Variants in FANK1 observed in about 807,000 individuals in gnomAD.
The protein encoded by FANK1 is fibronectin type 3 and ankyrin repeat domains protein 1.
A neutral mutation model predicts 45.3 loss-of-function variants in FANK1; 44 were observed. The ratio of observed to expected loss-of-function variants is 0.97; its 90% CI spans 0.76 to 1.25. The LOEUF is 1.25. Among genes scored for constraint, FANK1 ranks in the 50% most tolerant of loss-of-function variants. The pLI is 0.00. For synonymous variants in FANK1, 149 were observed against 152.5 expected, an observed-to-expected ratio of 0.98 and a Z score of 0.17; for missense variants, 391 against 424.4, an observed-to-expected ratio of 0.92 and a Z score of 0.69.
At chr10:125,929,763 C>T (rs1271814094) in intron 1 of FANK1, among the ~76,000 whole-genome samples, 2 of 152,164 alleles carry the variant, frequency 1.3e-5, no homozygotes, top group East Asian at 3.9e-4. Context: ...AATGAAACTA[C>T]ACGCCACAGT....
chr10:125,990,421 G>C (rs1186682651), intron 3 of FANK1, among the ~76,000 whole-genome samples: 1 of 152,190 alleles, frequency 6.6e-6, no homozygotes, highest in East Asian at 1.9e-4. Context: ...CTTGATGGAT[G>C]GATGGGTAAT....
At chr10:125,902,441 C>T (rs973003752) in intron 1 of FANK1, among the ~76,000 whole-genome samples, 1 of 152,108 alleles carries the variant, frequency 6.6e-6, no homozygotes, top group Non-Finnish European at 1.5e-5. Context: ...ACTTTCATTT[C>T]CTTAAGAGTG....
Position 125,980,265 on chromosome 10 carries a change from C to A in FANK1, c.118C>A (p.Pro40Thr). The change falls in exon 2 of 11, where the codon CCT becomes ACT. Residue 40 changes from proline (P) to threonine (T), a missense_variant. Transcript: ENST00000368693. ...GGAAAAGAAAGCCAAACGCCAAGGA[C>A]CTCAAGAGCAGTGGTTCAGGTTCTC... ...DLEKKAKRQGPQEQWFRFSIE... is the reference protein window; with the variant it reads ...DLEKKAKRQGTQEQWFRFSIE... The A allele has an allele frequency of 6.2e-7, 1 of 1,614,148 alleles. No individual in the cohort carries two copies. The highest frequency in any genetic ancestry group is 1.3e-5 in the African/African-American group (1 of 75,022).
chr10:125,929,341 A>G (rs1305727372), intron 1 of FANK1, among the ~76,000 whole-genome samples: 1 of 152,184 alleles, frequency 6.6e-6, no homozygotes, highest in African/African-American at 2.4e-5. Flanking sequence ...CTGAGTGTGG[A>G]GACCTTTTAG....
chr10:125,979,729 G>A, intron 1 of FANK1: 1 of 378,806 alleles, frequency 2.6e-6, no homozygotes, highest in East Asian at 7.9e-5. Context: ...AGTTTCTGAG[G>A]GCTGTTTATA....
intron 1 of FANK1, among the ~76,000 whole-genome samples, chr10:125,954,108 C>G (rs1326907590): frequency 1.3e-5 from 2 of 152,202 alleles, no homozygotes. Flanking sequence ...ACAATCTAAG[C>G]AGAACCTGAT....
At chr10:125,985,686 C>T (rs1303646291) in intron 2 of FANK1, among the ~76,000 whole-genome samples, 1 of 152,182 alleles carries the variant, frequency 6.6e-6, no homozygotes, top group African/African-American at 2.4e-5. Context: ...TGGTTGACAG[C>T]AGAAACAGGC....
Position 125,972,630 on chromosome 10 carries a change from G to A in FANK1, c.14-7531G>A, listed in dbSNP as rs1950588521. 6 of 152,108 alleles carry A rather than the reference G, an allele frequency of 3.9e-5. No individual in the cohort carries two copies. The South Asian group carries it at 1.2e-3, about 32-fold the overall frequency. The allele number at this position is 152,108 out of a possible 1,614,324, so 9.4% of individuals were successfully genotyped here. ...ATCCAGGTCCTATCTGGCAATAATAGCTTTTTGCAAAAAGCAACTCTTGCC... is the reference window on the plus strand; with the variant it reads ...ATCCAGGTCCTATCTGGCAATAATAACTTTTTGCAAAAAGCAACTCTTGCC... On this transcript the variant is annotated intron_variant, in intron 1 of 10. Transcript: ENST00000368693.
chr10:125,907,696 A>G (rs955117196), intron 1 of FANK1, among the ~76,000 whole-genome samples: 3 of 152,120 alleles, frequency 2.0e-5, no homozygotes, highest in African/African-American at 7.2e-5. Flanking sequence ...TATTGCTAGC[A>G]TGCACGCAAG....
At chr10:125,968,832 C>G (rs936578487) in intron 1 of FANK1, among the ~76,000 whole-genome samples, 1 of 151,820 alleles carries the variant, frequency 6.6e-6, no homozygotes, top group Non-Finnish European at 1.5e-5. Flanking sequence ...TGAGTGATAC[C>G]TTTTTACTAT....
intron 3 of FANK1, chr10:125,994,665 C>G: frequency 3.0e-6 from 3 of 985,346 alleles, no homozygotes; most frequent in Non-Finnish European, 3.6e-6. Flanking sequence ...GAATAAAGAA[C>G]AAATGAAACT....
chr10:125,933,020 T>G (rs1947853541), intron 1 of FANK1, among the ~76,000 whole-genome samples: 1 of 152,248 alleles, frequency 6.6e-6, no homozygotes, highest in Non-Finnish European at 1.5e-5. Flanking sequence ...TTGCATATGT[T>G]AAACCATCCC....
At chr10:125,927,951 T>C (rs1021008469) in intron 1 of FANK1, among the ~76,000 whole-genome samples, 1 of 152,204 alleles carries the variant, frequency 6.6e-6, no homozygotes, top group African/African-American at 2.4e-5. Context: ...TTTTAGGAGA[T>C]ACTGCTAAAA....
chr10:125,957,856 G>C (rs1590044674), intron 1 of FANK1, among the ~76,000 whole-genome samples: 1 of 151,832 alleles, frequency 6.6e-6, no homozygotes, highest in African/African-American at 2.4e-5. Flanking sequence ...AATGTCACTA[G>C]GTAAAGAGTT....
intron 1 of FANK1, among the ~76,000 whole-genome samples, chr10:125,962,035 A>G (rs914479740): frequency 6.6e-6 from 1 of 152,238 alleles, no homozygotes; most frequent in African/African-American, 2.4e-5. Flanking sequence ...GAAACAATAA[A>G]CACAGTGAAA....
At chr10:125,898,898 T>TTG (rs1435811316) in intron 1 of FANK1, among the ~76,000 whole-genome samples, 3 of 51,092 alleles carry the variant, frequency 5.9e-5, no homozygotes, top group Non-Finnish European at 1.5e-4. Context: ...AGTTTTGTTG[T>TTG]TTTTTTTTTT....
intron 1 of FANK1, among the ~76,000 whole-genome samples, chr10:125,937,687 G>A (rs1009091575): frequency 1.5e-4 from 23 of 151,992 alleles, no homozygotes; most frequent in African/African-American, 5.3e-4. Flanking sequence ...AACTGCAAAA[G>A]GTATAGCTAG....
chr10:125,900,633 T>TTTG (rs1944953848), intron 1 of FANK1, among the ~76,000 whole-genome samples: 2 of 151,912 alleles, frequency 1.3e-5, no homozygotes, highest in South Asian at 2.1e-4. Flanking sequence ...TTCTGTTTTT[T>TTTG]TTTGTTTGTT....
intron 1 of FANK1, among the ~76,000 whole-genome samples, chr10:125,937,314 A>G (rs1948169324): frequency 6.6e-6 from 1 of 152,200 alleles, no homozygotes; most frequent in South Asian, 2.1e-4. Context: ...TCACTGTTCC[A>G]TCTCTTTACT....
Sources: allele counts gnomAD v4.1 joint callset (sites outside exome capture counted in the v4.1 genomes callset), GRCh38; gene constraint gnomAD v4.1.1; transcripts MANE v1.5; gene names NCBI Gene and HGNC (gene_info 2026-07-23, HGNC 2026-07-21).